LPXN: variants seen among roughly 807,000 people sequenced by gnomAD.
LPXN encodes the protein leupaxin.
Under a neutral mutation model 45.6 loss-of-function variants are expected in LPXN, and 28 were observed. The ratio of observed to expected loss-of-function variants is 0.61; its 90% confidence interval spans 0.45 to 0.84. LPXN has a LOEUF of 0.84. Ranked by LOEUF, LPXN falls within the 40% of genes least tolerant of loss-of-function variation. The pLI is 0.00. For synonymous variants in LPXN, 166 were observed against 169.9 expected (o/e 0.98, Z 0.18); for missense variants, 459 against 475.0 (o/e 0.97, Z 0.31).
At chr11:58,543,131 C>G (rs981620104) in intron 7 of LPXN, among the ~76,000 whole-genome samples, 1 of 152,086 alleles carries the variant, frequency 6.6e-6, no homozygotes, top group Non-Finnish European at 1.5e-5. Context: ...CAGAGTAGGT[C>G]GTAGTTAGTT....
At chr11:58,564,578 G>C (rs1442864017) in intron 2 of LPXN, among the ~76,000 whole-genome samples, 2 of 152,140 alleles carry the variant, frequency 1.3e-5, no homozygotes, top group Non-Finnish European at 2.9e-5. Context: ...CTTGACATAT[G>C]AAAAGAAATA....
In LPXN at chr11:58,559,522, T is replaced by G. The variant is rs149874810; in HGVS notation, c.219-4582A>C. ...TAAGCAGACATAGATTTAAGTGAAC[T>G]AAAAAAGACTTCCAACAAACATTGT... On this transcript the variant is annotated intron_variant, in intron 3 of 8. Coordinates refer to ENST00000395074, the MANE Select transcript of LPXN (RefSeq NM_004811.3). Among the ~76,000 whole-genome samples the G allele has an allele frequency of 2.6e-3, 402 of 152,180 alleles. 2 individuals are homozygous for G. Among genetic ancestry groups the G allele is most frequent in the African/African-American group, 8.9e-3 (368 of 41,512 alleles).
At chr11:58,571,187 A>G (rs1854685097) in intron 1 of LPXN, among the ~76,000 whole-genome samples, 1 of 152,070 alleles carries the variant, frequency 6.6e-6, no homozygotes, top group African/African-American at 2.4e-5. Context: ...AAAATACAAA[A>G]AAGTCAGCCC....
chr11:58,568,048 C>T (rs955627875), intron 2 of LPXN, among the ~76,000 whole-genome samples: 18 of 152,138 alleles, frequency 1.2e-4, no homozygotes, highest in African/African-American at 3.9e-4. Flanking sequence ...GGAGGTTCCA[C>T]GCATCTCACA....
chr11:58,559,269 C>T (rs978352586), intron 3 of LPXN, among the ~76,000 whole-genome samples: 10 of 151,930 alleles, frequency 6.6e-5, no homozygotes, highest in African/African-American at 1.9e-4. Flanking sequence ...AATTTATAAA[C>T]ACTTTTGCAA....
At chr11:58,560,541 T>C (rs1239193122) in intron 3 of LPXN, among the ~76,000 whole-genome samples, 2 of 152,232 alleles carry the variant, frequency 1.3e-5, no homozygotes, top group Non-Finnish European at 2.9e-5. Context: ...ACATTTTTCC[T>C]ACTCTTATGC....
At chr11:58,573,292 C>G (rs1306704939) in intron 1 of LPXN, among the ~76,000 whole-genome samples, 2 of 150,796 alleles carry the variant, frequency 1.3e-5, no homozygotes, top group Non-Finnish European at 3.0e-5. Flanking sequence ...GAAAAGAAAA[C>G]TAAGGTAGAA....
chr11:58,578,016 C>T, upstream of LPXN: 2 of 1,551,006 alleles, frequency 1.3e-6, no homozygotes, highest in South Asian at 1.2e-5. Flanking sequence ...GTGACTCACA[C>T]ACCGGAAGAC....
intron 7 of LPXN, among the ~76,000 whole-genome samples, chr11:58,543,119 T>C (rs1853778711): frequency 6.6e-6 from 1 of 152,180 alleles, no homozygotes; most frequent in African/African-American, 2.4e-5. Context: ...TCTCTCGCCA[T>C]GCAGAGTAGG....
chr11:58,530,556 G>A (rs1226629959), intron 7 of LPXN, among the ~76,000 whole-genome samples: 1 of 152,194 alleles, frequency 6.6e-6, no homozygotes, highest in Non-Finnish European at 1.5e-5. Context: ...CTCCAGTCAG[G>A]GGCTTATAGA....
chr11:58,542,693 T>C (rs1853766346), intron 7 of LPXN, among the ~76,000 whole-genome samples: 1 of 152,030 alleles, frequency 6.6e-6, no homozygotes, highest in Non-Finnish European at 1.5e-5. Flanking sequence ...AAATCCCTAA[T>C]GGAATAATTG....
upstream of LPXN, chr11:58,578,234 CGACCTAACCCGGAAACACT>C: frequency 1.5e-6 from 1 of 654,832 alleles, no homozygotes; most frequent in Non-Finnish European, 2.4e-6. Flanking sequence ...GCACGCGTCG[CGACCTAACCCGGAAACACT>C]GCCTCCCGAA....
At chr11:58,562,296 T>C (rs1352568280) in intron 3 of LPXN, among the ~76,000 whole-genome samples, 1 of 152,186 alleles carries the variant, frequency 6.6e-6, no homozygotes, top group Non-Finnish European at 1.5e-5. Context: ...AAAAGCAATA[T>C]TTAGTTCATT....
At chr11:58,540,419 T>C (rs1853680636) in intron 7 of LPXN, among the ~76,000 whole-genome samples, 1 of 152,168 alleles carries the variant, frequency 6.6e-6, no homozygotes. Context: ...TTGTAAATGA[T>C]AATAAGAAAT....
chr11:58,528,143 G>A lies in LPXN; in HGVS notation c.791C>T (p.Ala264Val). 1 of 1,614,194 alleles carries A rather than the reference G, an allele frequency of 6.2e-7. No homozygotes were observed. Among genetic ancestry groups the A allele is most frequent in the Non-Finnish European group, 8.5e-7 (1 of 1,180,034 alleles). Residue 264 changes from alanine (A) to valine (V), a missense_variant, in exon 8 of 9, where the codon GCC becomes GTC. Ala to Val is a moderately conservative substitution (Grantham distance 64). Coordinates refer to ENST00000395074, the MANE Select transcript of LPXN (RefSeq NM_004811.3). ...GCCACCACACTTGGGTGAGAACATG[G>A]CTAAGAAATCCTTTCGGCAATATGG... ...KKPYCRKDFL[A>V]MFSPKCGGCN...
chr11:58,537,165 A>T (rs1853578144), intron 7 of LPXN, among the ~76,000 whole-genome samples: 1 of 152,264 alleles, frequency 6.6e-6, no homozygotes, highest in Non-Finnish European at 1.5e-5. Flanking sequence ...TACTGGGTAT[A>T]TACCCAAAGC....
intron 5 of LPXN, 115 bp from the exon 6 acceptor site, chr11:58,550,261 TG>T (rs1343300161): frequency 1.3e-5 from 13 of 968,130 alleles, no homozygotes; most frequent in Admixed American, 3.9e-5. Flanking sequence ...CAACACGCCC[TG>T]GAATTATACA....
chr11:58,549,809 C>T lies in LPXN; in HGVS notation c.719G>A (p.Cys240Tyr), dbSNP rs1853987460. ...WHPEHFFCSH[C>Y]GEVFGAEGFH... Reference sequence around the variant, plus strand: ...ACCTTCTGCACCAAACACCTCTCCGCAGTGAGAGCAGAAGAAGTGCTCTGG... The same window carrying T: ...ACCTTCTGCACCAAACACCTCTCCGTAGTGAGAGCAGAAGAAGTGCTCTGG... Residue 240 changes from cysteine to tyrosine, a missense_variant, in exon 7 of 9, where the codon TGC becomes TAC. Coordinates refer to ENST00000395074, the MANE Select transcript of LPXN (RefSeq NM_004811.3). 1.9e-6 allele frequency: 3 copies of T among 1,614,126 alleles called. No homozygotes were observed. The highest frequency in any genetic ancestry group is 2.5e-6 in the Non-Finnish European group (3 of 1,180,026).
chr11:58,542,655 T>C (rs1036694721), intron 7 of LPXN, among the ~76,000 whole-genome samples: 3 of 152,228 alleles, frequency 2.0e-5, no homozygotes, highest in Middle Eastern at 3.5e-3. Context: ...TTTAGGCATA[T>C]AGCATTTTAT....
Sources: gnomAD v4.1 joint callset for allele counts (sites outside exome capture counted in the v4.1 genomes callset) on GRCh38, gnomAD v4.1.1 for gene constraint, MANE v1.5 for transcripts, NCBI Gene and HGNC (gene_info 2026-07-23, HGNC 2026-07-21) for gene names.